UTP15: variants seen among roughly 807,000 people sequenced by gnomAD.
The protein encoded by UTP15 is UTP15 small subunit processome component.
A neutral mutation model predicts 59.1 loss-of-function variants in UTP15; 5 were observed. The observed-to-expected ratio is 0.08, with a 90% CI of 0.04 to 0.18. The LOEUF is 0.18. UTP15 is among the 10% of genes least tolerant of loss of function. UTP15 has a pLI of 1.00. For missense variants in UTP15, 494 were observed against 616.7 expected (o/e 0.80, Z 2.11); for synonymous variants, 211 against 212.2 (o/e 0.99, Z 0.05).
chr5:73,568,650 A>T, intron 4 of UTP15, 46 bp downstream of exon 4: 15 of 1,536,490 alleles, frequency 9.8e-6, no homozygotes, highest in Non-Finnish European at 1.3e-5. Context: ...ATTTTGTTGT[A>T]AGCTCTTTTT....
At chr5:73,571,736 G>A (rs1747937523) in intron 6 of UTP15, among the ~76,000 whole-genome samples, 1 of 151,948 alleles carries the variant, frequency 6.6e-6, no homozygotes, top group East Asian at 1.9e-4. Context: ...AGGAGTTTGA[G>A]ACCAGCCTGG....
At chr5:73,567,543 T>C in intron 2 of UTP15, 109 bp downstream of exon 2, 1 of 736,252 alleles carries the variant, frequency 1.4e-6, no homozygotes, top group Non-Finnish European at 2.1e-6. Context: ...GAAAACCATC[T>C]ATCAGCAGCT....
intron 10 of UTP15, 65 bp from the exon 11 acceptor site, chr5:73,578,952 G>T (rs776891533): frequency 1.0e-5 from 16 of 1,582,686 alleles, no homozygotes; most frequent in Non-Finnish European, 1.3e-5. Context: ...TGATAATTTA[G>T]TGCAAGACAG....
intron 11 of UTP15, 79 bp from the exon 12 acceptor site, chr5:73,579,238 G>C (rs764651433): frequency 2.0e-4 from 317 of 1,596,848 alleles, no homozygotes; most frequent in Non-Finnish European, 2.6e-4. Flanking sequence ...TCTTTGTAGA[G>C]AACTGATGAA....
chr5:73,572,466 C>A (rs758605215), intron 6 of UTP15, 23 bp from the exon 7 acceptor site: 6 of 1,611,978 alleles, frequency 3.7e-6, no homozygotes, highest in Non-Finnish European at 4.2e-6. Context: ...GAATATCCAA[C>A]TAACGATGAT....
chr5:73,583,184 G>A lies in UTP15; in HGVS notation c.*3090G>A, dbSNP rs1748373559. 6.6e-6 allele frequency: 1 copy of A among 152,132 alleles called. No homozygotes were observed. The highest frequency in any genetic ancestry group is 2.4e-5 in the African/African-American group (1 of 41,412). 9.4% of individuals were successfully genotyped at this position (152,132 alleles called of 1,614,324 possible). On this transcript the variant is annotated 3_prime_UTR_variant, in exon 13 of 13. Transcript: ENST00000296792. Reference sequence around the variant, plus strand: ...AGCTATAGTTAACTGGACCATGGTGGTACAACTGACTCAACCCTTCTCTAA... The same window carrying A: ...AGCTATAGTTAACTGGACCATGGTGATACAACTGACTCAACCCTTCTCTAA...
intron 5 of UTP15, among the ~76,000 whole-genome samples, chr5:73,570,079 A>G (rs558174226): frequency 1.3e-5 from 2 of 152,104 alleles, no homozygotes; most frequent in South Asian, 2.1e-4. Flanking sequence ...TGATCCACCT[A>G]CCTCAATTTC....
intron 8 of UTP15, 117 bp downstream of exon 8, chr5:73,577,153 TTTGAG>T: frequency 7.8e-6 from 6 of 773,808 alleles, no homozygotes; most frequent in Non-Finnish European, 1.3e-5. Context: ...ACATCAGATA[TTTGAG>T]TTAAGACAAT....
chr5:73,573,577 A>T, intron 7 of UTP15, among the ~76,000 whole-genome samples: 1 of 96,816 alleles, frequency 1.0e-5, no homozygotes, highest in African/African-American at 3.7e-5. Flanking sequence ...TAGATAAATT[A>T]ATTTTTTTTT....
chr5:73,567,707 T>C (rs1406159007), intron 2 of UTP15: 1 of 243,648 alleles, frequency 4.1e-6, no homozygotes, highest in African/African-American at 2.2e-5. Context: ...GAATCTCATA[T>C]GTGTAAAGAT....
At position 73,577,186 on chromosome 5, in the gene UTP15, C is replaced by T. The variant is rs73762104; in HGVS notation, c.894+150C>T. ...AAGACAATTGCTGGAATATGTAACT[C>T]GTCCTATTGACTCAGCATGAATTCA... On this transcript the variant is annotated intron_variant, in intron 8 of 12. Transcript: ENST00000296792. 2,905 of 679,604 alleles carry T rather than the reference C, an allele frequency of 4.3e-3. 52 individuals are homozygous for T. The highest frequency in any genetic ancestry group is 0.043 in the African/African-American group (2,377 of 55,758). The allele number at this position is 679,604 out of a possible 1,614,324, so 42.1% of individuals were successfully genotyped here.
rs1748205294 is a variant in UTP15, at chr5:73,578,778, A to G, written c.1072A>G (p.Lys358Glu). The change falls in exon 10 of 13, where the codon AAG (lysine) becomes GAG (glutamate). Residue 358 changes from lysine (K) to glutamate (E), a missense_variant. Coordinates refer to ENST00000296792, the MANE Select transcript of UTP15 (RefSeq NM_032175.4). ...RDDILINRPA[K>E]KHLELYDRDL... is the part of the protein sequence containing the mutation. Reference sequence around the variant, plus strand: ...TGACATTTTGATTAACAGGCCAGCAAAGAAGCACCTAGAATTGTATGACAG... The same window carrying G: ...TGACATTTTGATTAACAGGCCAGCAGAGAAGCACCTAGAATTGTATGACAG... The G allele has an allele frequency of 3.1e-6, 5 of 1,613,802 alleles. No individual in the cohort carries two copies. Among genetic ancestry groups the G allele is most frequent in the Non-Finnish European group, 4.2e-6 (5 of 1,179,820 alleles).
At chr5:73,566,664 G>A (rs558779892) in intron 1 of UTP15, among the ~76,000 whole-genome samples, 1 of 152,274 alleles carries the variant, frequency 6.6e-6, no homozygotes, top group Non-Finnish European at 1.5e-5. Context: ...TGGCTTGATT[G>A]CATGTTATTT....
At chr5:73,574,944 G>C (rs1262999039) in intron 7 of UTP15, among the ~76,000 whole-genome samples, 1 of 152,108 alleles carries the variant, frequency 6.6e-6, no homozygotes, top group African/African-American at 2.4e-5. Context: ...ATTTAAAATG[G>C]CATATTTGCA....
chr5:73,571,856 T>C (rs1385955987), intron 6 of UTP15, among the ~76,000 whole-genome samples: 1 of 152,178 alleles, frequency 6.6e-6, no homozygotes, highest in African/African-American at 2.4e-5. Flanking sequence ...GGAAAAAATA[T>C]CATGTTGAAC....
intron 1 of UTP15, among the ~76,000 whole-genome samples, chr5:73,566,540 T>TA (rs1235697883): frequency 1.3e-5 from 2 of 152,240 alleles, no homozygotes; most frequent in Non-Finnish European, 2.9e-5. Context: ...ATCGTGGTGT[T>TA]ACTAATGTAA....
At chr5:73,568,709 T>G in intron 4 of UTP15, 105 bp downstream of exon 4, 1 of 1,122,340 alleles carries the variant, frequency 8.9e-7, no homozygotes, top group Non-Finnish European at 1.2e-6. Context: ...ATGGAGATTA[T>G]TTGCCTATAG....
chr5:73,579,460 C>G, intron 12 of UTP15, 85 bp downstream of exon 12: 1 of 1,034,216 alleles, frequency 9.7e-7, no homozygotes, highest in Non-Finnish European at 1.4e-6. Flanking sequence ...TCAAGTAGAT[C>G]AAAATATCTT....
intron 12 of UTP15, among the ~76,000 whole-genome samples, chr5:73,579,654 A>T (rs1296242492): frequency 6.6e-6 from 1 of 152,152 alleles, no homozygotes; most frequent in Non-Finnish European, 1.5e-5. Context: ...AATGAAAATA[A>T]GTCAGGAACT....
Sources: gnomAD v4.1 joint callset for allele counts (sites outside exome capture counted in the v4.1 genomes callset) on GRCh38, gnomAD v4.1.1 for gene constraint, MANE v1.5 for transcripts, NCBI Gene and HGNC (gene_info 2026-07-23, HGNC 2026-07-21) for gene names.